UNC13C: variants seen among roughly 807,000 people sequenced by gnomAD.
UNC13C encodes the protein unc-13 homolog C.
Under a neutral mutation model 245.4 loss-of-function variants are expected in UNC13C, and 174 were observed. The ratio of observed to expected loss-of-function variants is 0.71; its 90% CI spans 0.63 to 0.80. UNC13C has a LOEUF of 0.80. Among genes scored for constraint, UNC13C ranks in the 30% least tolerant of loss-of-function variants. UNC13C has a pLI of 0.00. For missense variants in UNC13C, 2,829 were observed against 2,602.9 expected, an observed-to-expected ratio of 1.09 and a Z score of -1.89; for synonymous variants, 992 against 895.1, an observed-to-expected ratio of 1.11 and a Z score of -1.93.
chr15:54,082,466 T>A (rs1417056131), intron 2 of UNC13C, among the ~76,000 whole-genome samples: 3 of 152,162 alleles, frequency 2.0e-5, no homozygotes, highest in African/African-American at 7.2e-5. Flanking sequence ...GTTCATTAAT[T>A]TTTTTTAAAT....
At chr15:54,526,808 C>T (rs991971897) in intron 25 of UNC13C, among the ~76,000 whole-genome samples, 6 of 150,482 alleles carry the variant, frequency 4.0e-5, no homozygotes, top group African/African-American at 1.5e-4. Flanking sequence ...CACCACTCAT[C>T]ACCTGTTGTT....
intron 17 of UNC13C, among the ~76,000 whole-genome samples, chr15:54,384,707 C>A (rs1245097076): frequency 6.6e-6 from 1 of 152,036 alleles, no homozygotes; most frequent in Non-Finnish European, 1.5e-5. Context: ...GAGAAACACT[C>A]AACAGAGTGA....
Position 54,015,257 on chromosome 15 carries a change from T to C in UNC13C, c.2354T>C (p.Ile785Thr), listed in dbSNP as rs201926907. The part of the protein sequence containing the change: ...PPKSWHSRLS[I>T]DLSDKTFSFP... ...AAATCATGGCATAGTCGATTAAGCA[T>C]TGACCTTTCTGATAAGACTTTCAGC... Residue 785 changes from isoleucine to threonine, a missense_variant, in exon 2 of 33, where the codon ATT (isoleucine) becomes ACT (threonine). By Grantham distance (89) the Ile-to-Thr change is moderately conservative. Transcript: ENST00000260323. 6.8e-6 allele frequency: 11 copies of C among 1,613,550 alleles called. No homozygotes were observed. Among genetic ancestry groups the C allele is most frequent in the Non-Finnish European group, 8.5e-6 (10 of 1,179,776 alleles).
intron 30 of UNC13C, among the ~76,000 whole-genome samples, chr15:54,572,508 C>A (rs1897800954): frequency 6.6e-6 from 1 of 150,884 alleles, no homozygotes; most frequent in African/African-American, 2.4e-5. Flanking sequence ...TCACTGCGGC[C>A]TCTGCCTCCT....
At chr15:54,575,539 C>T (rs569564819) in intron 30 of UNC13C, among the ~76,000 whole-genome samples, 1 of 150,974 alleles carries the variant, frequency 6.6e-6, no homozygotes, top group African/African-American at 2.4e-5. Context: ...CTTAATATTT[C>T]ATTGGCAGAA....
intron 4 of UNC13C, among the ~76,000 whole-genome samples, chr15:54,206,060 A>G (rs1016436217): frequency 6.6e-6 from 1 of 152,076 alleles, no homozygotes. Flanking sequence ...GAAATCAGTA[A>G]TTTTATAGTA....
At chr15:54,024,298 A>G (rs995330749) in intron 2 of UNC13C, among the ~76,000 whole-genome samples, 3 of 152,212 alleles carry the variant, frequency 2.0e-5, no homozygotes, top group African/African-American at 7.2e-5. Flanking sequence ...ATTAAGAGAA[A>G]TACAAATCCT....
At chr15:54,619,655 A>G (rs1402371321) in intron 30 of UNC13C, among the ~76,000 whole-genome samples, 1 of 152,172 alleles carries the variant, frequency 6.6e-6, no homozygotes, top group Non-Finnish European at 1.5e-5. Context: ...TTAATATACC[A>G]TGGTAACTGA....
intron 19 of UNC13C, among the ~76,000 whole-genome samples, chr15:54,465,552 T>G (rs1892121260): frequency 6.6e-6 from 1 of 152,008 alleles, no homozygotes; most frequent in Non-Finnish European, 1.5e-5. Flanking sequence ...TATTGAATTA[T>G]GAGAATTTGA....
At chr15:54,066,376 T>C (rs2141088854) in intron 2 of UNC13C, among the ~76,000 whole-genome samples, 1 of 152,304 alleles carries the variant, frequency 6.6e-6, no homozygotes, top group Middle Eastern at 3.4e-3. Context: ...AATCCCTTGT[T>C]AGGAAGTTGA....
At chr15:54,146,975 T>C (rs1219281162) in intron 4 of UNC13C, among the ~76,000 whole-genome samples, 1 of 152,172 alleles carries the variant, frequency 6.6e-6, no homozygotes, top group Non-Finnish European at 1.5e-5. Context: ...AAAGTTTGCT[T>C]ATTAGATGAG....
chr15:54,236,855 A>C (rs1055508770), intron 6 of UNC13C, among the ~76,000 whole-genome samples: 1 of 152,296 alleles, frequency 6.6e-6, no homozygotes, highest in Admixed American at 6.5e-5. Flanking sequence ...TCAAGAATGC[A>C]TTATTCCACA....
intron 2 of UNC13C, among the ~76,000 whole-genome samples, chr15:54,017,871 C>T (rs530799661): frequency 1.3e-5 from 2 of 152,278 alleles, no homozygotes; most frequent in African/African-American, 2.4e-5. Flanking sequence ...ACTCAGACCC[C>T]TCCATCCTCT....
Position 54,014,624 on chromosome 15 carries a change from A to G in UNC13C, c.1721A>G (p.Asn574Ser), listed in dbSNP as rs1895552400. ...GAAAATCAGTTTTTCACTAGAACTA[A>G]TGGAAGCTCTCTCCTGTCATCTTCG... ...FSENQFFTRT[N>S]GSSLLSSSDR... is the part of the protein sequence containing the mutation. The change falls in exon 2 of 33, where the codon AAT (asparagine) becomes AGT (serine). Residue 574 changes from asparagine (N) to serine (S), a missense_variant. By Grantham distance (46) the Asn-to-Ser change is conservative (BLOSUM62 1). Transcript: ENST00000260323. The G allele has an allele frequency of 6.2e-7, 1 of 1,613,526 alleles. No individual in the cohort carries two copies. Among genetic ancestry groups the G allele is most frequent in the African/African-American group, 1.3e-5 (1 of 74,892 alleles).
At chr15:53,940,945 T>G in the UNC13C span, among the ~76,000 whole-genome samples, 2 of 152,118 alleles carry the variant, frequency 1.3e-5, no homozygotes, top group African/African-American at 4.8e-5. Context: ...TTTGACAAAT[T>G]AGAAAAAAAA....
chr15:54,175,555 C>G (rs975648148), intron 4 of UNC13C, among the ~76,000 whole-genome samples: 1 of 139,844 alleles, frequency 7.2e-6, no homozygotes, highest in South Asian at 2.2e-4. Flanking sequence ...CACTGTAGCC[C>G]AGGCTGGAGC....
At chr15:54,304,680 C>A (rs981125199) in intron 13 of UNC13C, among the ~76,000 whole-genome samples, 2 of 148,756 alleles carry the variant, frequency 1.3e-5, no homozygotes, top group Admixed American at 1.4e-4. Flanking sequence ...AAACCCTTAC[C>A]TGATCTTGTC....
the UNC13C span, among the ~76,000 whole-genome samples, chr15:53,878,727 T>C: frequency 1.3e-5 from 2 of 152,172 alleles, no homozygotes; most frequent in Non-Finnish European, 2.9e-5. Context: ...ATAATGATGA[T>C]ATTCCTAATT....
At chr15:54,098,574 G>A (rs916678257) in intron 2 of UNC13C, among the ~76,000 whole-genome samples, 1 of 151,924 alleles carries the variant, frequency 6.6e-6, no homozygotes, top group Admixed American at 6.6e-5. Context: ...TTCTTTCTAA[G>A]AATAAACATG....
Sources: allele counts gnomAD v4.1 joint callset (sites outside exome capture counted in the v4.1 genomes callset), GRCh38; gene constraint gnomAD v4.1.1; transcripts MANE v1.5; gene names NCBI Gene and HGNC (gene_info 2026-07-23, HGNC 2026-07-21).